The following THSD7B variants were observed in gnomAD, a reference collection of about 807,000 sequenced individuals.
The protein encoded by THSD7B is thrombospondin type 1 domain containing 7B.
A neutral mutation model predicts 213.6 loss-of-function variants in THSD7B; 138 were observed. The ratio of observed to expected loss-of-function variants is 0.65; its 90% CI spans 0.56 to 0.74. THSD7B has a LOEUF of 0.74. Among genes scored for constraint, THSD7B ranks in the 30% least tolerant of loss-of-function variants. THSD7B has a pLI of 0.00. For synonymous variants in THSD7B, 742 were observed against 687.0 expected (o/e 1.08, Z -1.25); for missense variants, 1,931 against 1,991.5 (o/e 0.97, Z 0.58).
At chr2:137,548,950 C>G (rs935154665) in intron 15 of THSD7B, among the ~76,000 whole-genome samples, 1 of 151,956 alleles carries the variant, frequency 6.6e-6, no homozygotes, top group Admixed American at 6.6e-5. Context: ...AGCAAGGCAA[C>G]AGTTGCATGC....
intron 7 of THSD7B, among the ~76,000 whole-genome samples, chr2:137,213,373 G>GTA (rs10646517): frequency 0.6 from 87,406 of 146,494 alleles, 26,460 homozygotes; most frequent in South Asian, 0.71. Context: ...ATATATAATA[G>GTA]TATATATGTT....
intron 15 of THSD7B, among the ~76,000 whole-genome samples, chr2:137,467,860 GATAA>G (rs1235258380): frequency 6.6e-6 from 1 of 152,030 alleles, no homozygotes; most frequent in African/African-American, 2.4e-5. Context: ...TCACTCAAAT[GATAA>G]ATAAGGAAAC....
chr2:136,842,524 A>G (rs1221826347), intron 1 of THSD7B, among the ~76,000 whole-genome samples: 3 of 152,232 alleles, frequency 2.0e-5, no homozygotes, highest in Non-Finnish European at 4.4e-5. Context: ...TTCAGGGAAA[A>G]CAGGATAATA....
intron 1 of THSD7B, among the ~76,000 whole-genome samples, chr2:136,766,254 A>G (rs371135061): frequency 1.1e-4 from 17 of 152,122 alleles, no homozygotes; most frequent in African/African-American, 4.1e-4. Flanking sequence ...GAAGTTTTGC[A>G]GCTTCCTCTG....
At chr2:137,346,359 T>A (rs1201639039) in intron 12 of THSD7B, among the ~76,000 whole-genome samples, 1 of 151,674 alleles carries the variant, frequency 6.6e-6, no homozygotes, top group Admixed American at 6.6e-5. Context: ...ATGGGTTTAT[T>A]TCCCTTAGCA....
At chr2:136,903,464 T>A (rs1359155032) in intron 2 of THSD7B, among the ~76,000 whole-genome samples, 2 of 152,222 alleles carry the variant, frequency 1.3e-5, no homozygotes, top group Non-Finnish European at 2.9e-5. Context: ...TTCAGAATTT[T>A]TTTTTTAATT....
intron 17 of THSD7B, among the ~76,000 whole-genome samples, chr2:137,614,264 T>C (rs998507177): frequency 6.6e-6 from 1 of 152,192 alleles, no homozygotes; most frequent in African/African-American, 2.4e-5. Flanking sequence ...TCTTAAATCT[T>C]ATCAAATTTC....
At chr2:137,176,549 T>C (rs925587801) in intron 7 of THSD7B, among the ~76,000 whole-genome samples, 1 of 152,174 alleles carries the variant, frequency 6.6e-6, no homozygotes, top group Non-Finnish European at 1.5e-5. Flanking sequence ...AATGGCCCTT[T>C]GGAATAGTCA....
At chr2:137,629,542 T>G (rs536663384) in intron 20 of THSD7B, among the ~76,000 whole-genome samples, 1 of 152,288 alleles carries the variant, frequency 6.6e-6, no homozygotes, top group Non-Finnish European at 1.5e-5. Flanking sequence ...AATCCTACTA[T>G]TCAGGAGTTC....
intron 15 of THSD7B, among the ~76,000 whole-genome samples, chr2:137,495,270 CTGACAA>C (rs1679535111): frequency 1.3e-5 from 2 of 152,100 alleles, no homozygotes; most frequent in South Asian, 4.1e-4. Flanking sequence ...TTCCTATAGC[CTGACAA>C]TAAGGCAATA....
Position 137,523,218 on chromosome 2 carries a change from T to G in THSD7B, c.3139-40003T>G, listed in dbSNP as rs80336068. On this transcript the variant is annotated intron_variant, in intron 15 of 27. Transcript: ENST00000409968. Reference sequence around the variant, plus strand: ...TCTGTCATTAATTCAAAATTCAATTTTTGCCACATCAATTTTATTTGCTCA... The same window carrying G: ...TCTGTCATTAATTCAAAATTCAATTGTTGCCACATCAATTTTATTTGCTCA... Among the ~76,000 whole-genome samples the G allele has an allele frequency of 6.0e-3, 912 of 152,330 alleles. 11 individuals carry two copies. Among genetic ancestry groups the G allele is most frequent in the African/African-American group, 0.021 (870 of 41,574 alleles).
intron 3 of THSD7B, among the ~76,000 whole-genome samples, chr2:137,070,863 T>A (rs886298986): frequency 7.3e-6 from 1 of 137,564 alleles, no homozygotes; most frequent in Non-Finnish European, 1.6e-5. Flanking sequence ...GTTTCCAGTT[T>A]CATCTATGTC....
chr2:137,642,250 C>T (rs532093237), intron 20 of THSD7B: 1 of 439,782 alleles, frequency 2.3e-6, no homozygotes, highest in Non-Finnish European at 4.0e-6. Flanking sequence ...AACGTTTGTA[C>T]TTTGAAGACT....
intron 2 of THSD7B, among the ~76,000 whole-genome samples, chr2:136,999,811 C>G (rs1348301982): frequency 2.0e-5 from 3 of 151,974 alleles, no homozygotes; most frequent in Admixed American, 2.0e-4. Flanking sequence ...AGTTGTAAGC[C>G]AATTTATATT....
intron 17 of THSD7B, among the ~76,000 whole-genome samples, chr2:137,614,005 T>C (rs13390601): frequency 2.6e-5 from 4 of 152,126 alleles, no homozygotes; most frequent in African/African-American, 7.2e-5. Context: ...TAAGATGAAG[T>C]GTGAAAATAC....
chr2:136,938,286 C>T (rs761953749), intron 2 of THSD7B, among the ~76,000 whole-genome samples: 15 of 152,106 alleles, frequency 9.9e-5, no homozygotes, highest in Non-Finnish European at 1.9e-4. Context: ...GGTCACTGAA[C>T]AGCTGAGAAT....
intron 1 of THSD7B, among the ~76,000 whole-genome samples, chr2:136,783,029 G>A (rs1174181795): frequency 2.0e-5 from 3 of 151,408 alleles, no homozygotes; most frequent in Admixed American, 1.3e-4. Context: ...CTGACTGTAC[G>A]CTGTTGCAAA....
intron 4 of THSD7B, among the ~76,000 whole-genome samples, chr2:137,107,876 C>A (rs968864899): frequency 3.9e-5 from 6 of 152,120 alleles, no homozygotes; most frequent in African/African-American, 1.4e-4. Context: ...CCACTTTATC[C>A]AATAAAAAAT....
chr2:137,068,815 A>G (rs563330643), intron 3 of THSD7B, among the ~76,000 whole-genome samples: 1 of 151,982 alleles, frequency 6.6e-6, no homozygotes. Context: ...TGTTTTGATT[A>G]TGGCTACTGT....
Sources: allele counts gnomAD v4.1 joint callset (sites outside exome capture counted in the v4.1 genomes callset), GRCh38; gene constraint gnomAD v4.1.1; transcripts MANE v1.5; gene names NCBI Gene and HGNC (gene_info 2026-07-23, HGNC 2026-07-21).